MTMR9: variants seen among roughly 807,000 people sequenced by gnomAD.
MTMR9 encodes the protein myotubularin-related protein 9.
MTMR9 carries 39 observed loss-of-function variants against 69.5 expected under a neutral mutation model. The ratio of observed to expected loss-of-function variants is 0.56; its 90% CI spans 0.43 to 0.73. MTMR9 has a LOEUF of 0.73. Among genes scored for constraint, MTMR9 ranks in the 30% least tolerant of loss-of-function variants. The pLI, the probability that MTMR9 is intolerant of heterozygous loss-of-function variation, is 0.00. For missense variants in MTMR9, 900 were observed against 671.2 expected (o/e 1.34, Z -3.77); for synonymous variants, 354 against 240.8 (o/e 1.47, Z -4.35).
chr8:11,286,231 C>G (rs955284192), intron 1 of MTMR9, among the ~76,000 whole-genome samples: 4 of 151,544 alleles, frequency 2.6e-5, no homozygotes, highest in African/African-American at 4.8e-5. Flanking sequence ...GGATTACAGG[C>G]GTGAGCCACT....
At chr8:11,310,453 G>A (rs569576431) in intron 6 of MTMR9, among the ~76,000 whole-genome samples, 1 of 152,258 alleles carries the variant, frequency 6.6e-6, no homozygotes, top group East Asian at 1.9e-4. Flanking sequence ...TTCCAAATTA[G>A]GGAAATATAT....
chr8:11,298,726 C>CG lies in MTMR9; in HGVS notation c.292-1297_292-1296insG, dbSNP rs1031233620. 30 of 912,384 alleles carry CG rather than the reference C, an allele frequency of 3.3e-5. 1 individual carries two copies. In the East Asian group the frequency reaches 2.2e-3, roughly 68 times the overall value. The allele number at this position is 912,384 out of a possible 1,614,324, so 56.5% of individuals were successfully genotyped here. A position where few individuals can be genotyped will look rare whatever the true frequency, so the allele number is the denominator to read the frequency against. On this transcript the variant is annotated intron_variant, in intron 2 of 9. Transcript: ENST00000221086. Reference sequence around the variant, plus strand: ...GGTATCCTTTCCCCGCTGCACCCCCCCCCCGCCATCCAGTATAGAAATACT... The same window carrying CG: ...GGTATCCTTTCCCCGCTGCACCCCCCGCCCCGCCATCCAGTATAGAAATACT...
intron 1 of MTMR9, among the ~76,000 whole-genome samples, chr8:11,293,481 C>T (rs1402959386): frequency 1.3e-5 from 2 of 152,102 alleles, no homozygotes; most frequent in Non-Finnish European, 2.9e-5. Flanking sequence ...TCCTCAATAG[C>T]CTACAGGAAT....
At chr8:11,309,262 A>T (rs1800094378) in intron 5 of MTMR9, among the ~76,000 whole-genome samples, 1 of 152,174 alleles carries the variant, frequency 6.6e-6, no homozygotes, top group Non-Finnish European at 1.5e-5. Context: ...GGCCTCTCCT[A>T]TAGTCAGATA....
chr8:11,329,361 C>T (rs369750065), downstream of MTMR9, among the ~76,000 whole-genome samples: 253 of 152,332 alleles, frequency 1.7e-3, 2 homozygotes, highest in South Asian at 0.027. Flanking sequence ...CCTCTGATGC[C>T]GAGCCAAAGC....
chr8:11,299,902 G>A (rs1799692322), intron 2 of MTMR9, 121 bp from the exon 3 acceptor site: 1 of 1,170,984 alleles, frequency 8.5e-7, no homozygotes, highest in Non-Finnish European at 1.2e-6. Flanking sequence ...CACAATGTTA[G>A]AGAAACATTC....
intron 3 of MTMR9, 141 bp downstream of exon 3, chr8:11,300,289 G>A (rs1368748593): frequency 1.0e-5 from 9 of 892,190 alleles, no homozygotes; most frequent in Non-Finnish European, 1.5e-5. Context: ...TAAAAGGATT[G>A]AAGCCATGCA....
rs902167462 is a variant in MTMR9, at chr8:11,309,751, C to T, written c.971+63C>T. ...GCTGCTAACTAGACTTTGTGTTTATCCAGACATATGTTTATAGATTATGTG... is the reference window on the plus strand; with the variant it reads ...GCTGCTAACTAGACTTTGTGTTTATTCAGACATATGTTTATAGATTATGTG... On this transcript the variant is annotated intron_variant, in intron 6 of 9. Transcript: ENST00000221086. The T allele has an allele frequency of 3.2e-6, 5 of 1,554,740 alleles. No homozygotes were observed. In the African/African-American group the frequency reaches 6.8e-5, roughly 21 times the overall value.
rs142620167 is a variant in MTMR9, at chr8:11,285,204, A to G, written c.182+134A>G. On this transcript the variant is annotated intron_variant, in intron 1 of 9. Transcript: ENST00000221086. ...CAAGATGAGCCCTCTGTGGCCTAGA[A>G]TCAGGATTTACCAAGCTGAAACCCG... 942 of 890,990 alleles carry G rather than the reference A, an allele frequency of 1.1e-3. 8 individuals carry two copies. In the African/African-American group the frequency reaches 0.013, roughly 13 times the overall value. The allele number at this position is 890,990 out of a possible 1,614,324, so 55.2% of individuals were successfully genotyped here.
At chr8:11,317,260 C>G (rs1185858730) in intron 8 of MTMR9, 1 of 154,590 alleles carries the variant, frequency 6.5e-6, no homozygotes, top group East Asian at 1.9e-4. Context: ...TGACTTTTCC[C>G]AGGACATAGA....
At chr8:11,300,207 T>G in intron 3 of MTMR9, 59 bp downstream of exon 3, 1 of 1,574,802 alleles carries the variant, frequency 6.3e-7, no homozygotes, top group Non-Finnish European at 8.7e-7. Context: ...TTATTTGACT[T>G]GTGAAAATGA....
downstream of MTMR9, among the ~76,000 whole-genome samples, chr8:11,332,711 C>T (rs1381517304): frequency 6.6e-6 from 1 of 152,010 alleles, no homozygotes; most frequent in Non-Finnish European, 1.5e-5. Context: ...AAGCAATTCT[C>T]CTACATCAGC....
chr8:11,330,850 C>G (rs548577190), downstream of MTMR9: 610 of 588,796 alleles, frequency 1.0e-3, 3 homozygotes, highest in African/African-American at 0.011. Flanking sequence ...CTGACCTTCC[C>G]TCCACTATTG....
rs201395604 is a variant in MTMR9, at chr8:11,316,675, T to C, written c.1116T>C (p.Ala372=). The C allele has an allele frequency of 6.3e-7, 1 of 1,597,554 alleles. No homozygotes were observed. The highest frequency in any genetic ancestry group is 8.5e-7 in the Non-Finnish European group (1 of 1,172,700). Residue 372 remains alanine (A), a splice_region_variant and synonymous_variant, in exon 8 of 10, where the codon GCT becomes GCC. Transcript: ENST00000221086. ...TCACGCCTCCATCTTCCCCCTAGGC[T>C]GGTCACCCATTCCAGCAGCGCTGTG... The part of the protein sequence containing the change: ...EALIEREWLQ[A]GHPFQQRCAQ...
chr8:11,296,100 C>CAT (rs35367405), intron 2 of MTMR9, among the ~76,000 whole-genome samples: 50,570 of 151,514 alleles, frequency 0.33, 10,405 homozygotes, highest in East Asian at 0.67. Context: ...CATATTATTA[C>CAT]ATATATATAT....
At chr8:11,330,198 TG>T (rs1191931123), downstream of MTMR9, among the ~76,000 whole-genome samples, 4 of 143,830 alleles carry the variant, frequency 2.8e-5, no homozygotes, top group East Asian at 2.1e-4. Flanking sequence ...GGGAGGGAGG[TG>T]GGGGGTCAGC....
chr8:11,293,544 C>T (rs879589771), intron 1 of MTMR9, among the ~76,000 whole-genome samples: 5 of 152,084 alleles, frequency 3.3e-5, no homozygotes, highest in Non-Finnish European at 5.9e-5. Context: ...AAAGAGCAGA[C>T]GTTTTACATT....
In MTMR9 at chr8:11,322,031, T is replaced by C. The variant is rs1294765830; in HGVS notation, c.1487-594T>C. 8.5e-5 allele frequency among the ~76,000 whole-genome samples: 13 copies of C among 152,312 alleles called. No individual in the cohort carries two copies. The East Asian group carries it at 1.9e-3, about 23-fold the overall frequency. On this transcript the variant is annotated intron_variant, in intron 9 of 9. Coordinates refer to ENST00000221086, the MANE Select transcript of MTMR9 (RefSeq NM_015458.4). ...AGAGGAGAAAATATTTCCTTTTGGT[T>C]CATAATAAAAGGATAATTATTATTA...
In MTMR9 at chr8:11,284,826, T is replaced by C. The variant is rs1799080469; in HGVS notation, c.-63T>C. 4 of 1,450,038 alleles carry C rather than the reference T, an allele frequency of 2.8e-6. No individual in the cohort carries two copies. The East Asian group carries it at 1.1e-4, about 39-fold the overall frequency. The allele number at this position is 1,450,038 out of a possible 1,614,324, so 89.8% of individuals were successfully genotyped here. On this transcript the variant is annotated 5_prime_UTR_variant, in exon 1 of 10. Coordinates refer to ENST00000221086, the MANE Select transcript of MTMR9 (RefSeq NM_015458.4). ...GCGCCGGGTGTTTCCGCTACTTCCC[T>C]GCGGCGGGGTAACCGCCTCGCACCT...
Sources: gnomAD v4.1 joint callset for allele counts (sites outside exome capture counted in the v4.1 genomes callset) on GRCh38, gnomAD v4.1.1 for gene constraint, MANE v1.5 for transcripts, NCBI Gene and HGNC (gene_info 2026-07-23, HGNC 2026-07-21) for gene names.